CDK5R1: variants seen among roughly 807,000 people sequenced by gnomAD.
The protein encoded by CDK5R1 is cyclin-dependent kinase 5 activator 1.
In CDK5R1, 1 loss-of-function variant was observed where a neutral mutation model predicts 19.0. The ratio of observed to expected loss-of-function variants is 0.05; its 90% CI spans 0.02 to 0.25. The LOEUF is 0.25. Ranked by LOEUF, CDK5R1 falls within the 10% of genes least tolerant of loss-of-function variation. The pLI, the probability that CDK5R1 is intolerant of heterozygous loss-of-function variation, is 1.00. For synonymous variants in CDK5R1, 225 were observed against 187.7 expected, an observed-to-expected ratio of 1.20 and a Z score of -1.62; for missense variants, 314 against 401.0, an observed-to-expected ratio of 0.78 and a Z score of 1.85.
chr17:32,487,510 GC>G lies in CDK5R1; in HGVS notation c.-106del, dbSNP rs991361812. On this transcript the variant is annotated 5_prime_UTR_variant, in exon 2 of 2. Coordinates refer to ENST00000313401, the MANE Select transcript of CDK5R1 (RefSeq NM_003885.3). The surrounding 1 kb of genome is among the most constrained non-coding windows in gnomAD (Gnocchi z 7.9). ...AGGGGGCAGCACGCTTCCCGGGAGC[GC>G]CCCCGCCTCCTCTCCGGGGCCGCCG... The G allele has an allele frequency of 2.4e-5, 18 of 755,470 alleles. No individual in the cohort carries two copies. In the African/African-American group the frequency reaches 2.9e-4, roughly 12 times the overall value. 46.8% of individuals were successfully genotyped at this position (755,470 alleles called of 1,614,324 possible).
In CDK5R1 at chr17:32,487,604, C is replaced by G. The variant is rs1441956854; in HGVS notation, c.-17C>G. ...GCGCGCAGGGGCGCGAGCCCCCGCC[C>G]GGCGCGCAGCAGCACCATGGGCACG... On this transcript the variant is annotated 5_prime_UTR_variant, in exon 2 of 2. Coordinates refer to ENST00000313401, the MANE Select transcript of CDK5R1 (RefSeq NM_003885.3). This position sits in a 1 kb window ranked among gnomAD's most constrained non-coding sequence, Gnocchi z 7.9. The G allele has an allele frequency of 6.2e-7, 1 of 1,602,080 alleles. No individual in the cohort carries two copies. The highest frequency in any genetic ancestry group is 1.3e-5 in the African/African-American group (1 of 74,478).
rs2150844387 is a variant in CDK5R1, at chr17:32,487,324, G to A, written c.-145-152G>A. On this transcript the variant is annotated intron_variant, in intron 1 of 1. Coordinates refer to ENST00000313401, the MANE Select transcript of CDK5R1 (RefSeq NM_003885.3). The surrounding 1 kb of genome is among the most constrained non-coding windows in gnomAD (Gnocchi z 7.9). ...AGCGGCGGCGGCGGGCGGGGGTGCT[G>A]CAGTGGAGGCGGCGAGGCTGCGTCG... is the stretch of plus-strand genomic sequence containing the variant. Among the ~76,000 whole-genome samples the A allele has an allele frequency of 6.8e-6, 1 of 147,782 alleles. No individual in the cohort carries two copies. The highest frequency in any genetic ancestry group is 2.1e-4 in the South Asian group (1 of 4,818).
chr17:32,487,087 G>A lies in CDK5R1; in HGVS notation c.-221G>A, dbSNP rs1908692846. The A allele has an allele frequency of 6.8e-6, 1 of 146,144 alleles. No individual in the cohort carries two copies. The highest frequency in any genetic ancestry group is 2.5e-5 in the African/African-American group (1 of 40,502). 9.1% of individuals were successfully genotyped at this position (146,144 alleles called of 1,614,324 possible). A position where few individuals can be genotyped will look rare whatever the true frequency, so the allele number is the denominator to read the frequency against. ...CCGCCGAGCGCCCCCGAGCGCCGCC[G>A]AGCGCCGGGACCGCGGCGGCGGGGC... On this transcript the variant is annotated 5_prime_UTR_variant, in exon 1 of 2. Transcript: ENST00000313401. This position sits in a 1 kb window ranked among gnomAD's most constrained non-coding sequence, Gnocchi z 7.9.
chr17:32,488,659 CACAG>C lies in CDK5R1; in HGVS notation c.*116_*119del, dbSNP rs1908764811. The C allele has an allele frequency of 6.5e-7, 1 of 1,531,166 alleles. No homozygotes were observed. The highest frequency in any genetic ancestry group is 8.8e-7 in the Non-Finnish European group (1 of 1,130,510). The allele number at this position is 1,531,166 out of a possible 1,614,324, so 94.8% of individuals were successfully genotyped here. On this transcript the variant is annotated 3_prime_UTR_variant, in exon 2 of 2. Coordinates refer to ENST00000313401, the MANE Select transcript of CDK5R1 (RefSeq NM_003885.3). ...AAGCCACCAAGGGCCTCACCTTTCC[CACAG>C]TCTCTCCCTGGGGTTTTTTTCATCC... is the stretch of plus-strand genomic sequence containing the variant.
Sources: allele counts gnomAD v4.1 joint callset (sites outside exome capture counted in the v4.1 genomes callset), GRCh38; gene constraint gnomAD v4.1.1; non-coding constraint Gnocchi (gnomAD v3.1); transcripts MANE v1.5; gene names NCBI Gene and HGNC (gene_info 2026-07-23, HGNC 2026-07-21).